The following MROH1 variants were observed in gnomAD, a reference collection of about 807,000 sequenced individuals.
The protein encoded by MROH1 is maestro heat-like repeat-containing protein family member 1.
A neutral mutation model predicts 116.5 loss-of-function variants in MROH1; 117 were observed. The ratio of observed to expected loss-of-function variants is 1.00; its 90% CI spans 0.86 to 1.17. MROH1 has a LOEUF of 1.17. Among genes scored for constraint, MROH1 ranks in the 50% most tolerant of loss-of-function variants. MROH1 has a pLI of 0.00. For synonymous variants in MROH1, 921 were observed against 583.9 expected (o/e 1.58, Z -8.32); for missense variants, 1,873 against 1,338.5 (o/e 1.40, Z -6.23).
Position 144,180,073 on chromosome 8 carries a change from C to G in MROH1, c.301-105C>G. 1 of 1,431,530 alleles carries G rather than the reference C, an allele frequency of 7.0e-7. No individual in the cohort carries two copies. The highest frequency in any genetic ancestry group is 2.3e-5 in the East Asian group (1 of 43,690). The allele number at this position is 1,431,530 out of a possible 1,614,324, so 88.7% of individuals were successfully genotyped here. ...CGCCACCTTCCCTGACCTGCACTTT[C>G]TGGGGACGCTGAAAACAGCGTGCGC... On this transcript the variant is annotated intron_variant, in intron 5 of 43. Coordinates refer to ENST00000326134, the MANE Select transcript of MROH1 (RefSeq NM_032450.3). This position sits in a 1 kb window ranked among gnomAD's most constrained non-coding sequence, Gnocchi z 7.4.
Position 144,234,240 on chromosome 8 carries a change from ACCTCGTGATCCGCCGG to A in MROH1, c.1339-4510_1339-4495del, listed in dbSNP as rs1839545723. 3.3e-5 allele frequency among the ~76,000 whole-genome samples: 5 copies of A among 152,070 alleles called. No homozygotes were observed. In the East Asian group the frequency reaches 5.8e-4, roughly 18 times the overall value. ...TAGCCAGGACGGTCTCGATCTCCTG[ACCTCGTGATCCGCCGG>A]CCTCGGCCTCCCAAAGTGCTGGAAT... On this transcript the variant is annotated intron_variant, in intron 14 of 43. Coordinates refer to ENST00000326134, the MANE Select transcript of MROH1 (RefSeq NM_032450.3).
chr8:144,249,399 G>A (rs1274630859), intron 32 of MROH1, among the ~76,000 whole-genome samples: 1 of 152,136 alleles, frequency 6.6e-6, no homozygotes, highest in Non-Finnish European at 1.5e-5. Context: ...GGAGAGGCAA[G>A]CCTGACCTCA....
intron 14 of MROH1, among the ~76,000 whole-genome samples, chr8:144,225,064 G>A (rs1181854191): frequency 6.6e-6 from 1 of 151,734 alleles, no homozygotes; most frequent in Non-Finnish European, 1.5e-5. Context: ...TTAGAGACAA[G>A]GTCTCACTCT....
chr8:144,212,348 G>T (rs539639469), intron 12 of MROH1, among the ~76,000 whole-genome samples: 1 of 152,078 alleles, frequency 6.6e-6, no homozygotes, highest in Non-Finnish European at 1.5e-5. Context: ...GCCTCCCAAA[G>T]TACTGGCATT....
intron 4 of MROH1, among the ~76,000 whole-genome samples, chr8:144,176,760 C>T (rs935706375): frequency 6.7e-6 from 1 of 148,700 alleles, no homozygotes; most frequent in Non-Finnish European, 1.5e-5. Flanking sequence ...ACTCGGAAGG[C>T]GGAGGTTGCA....
intron 35 of MROH1, among the ~76,000 whole-genome samples, chr8:144,256,622 C>T (rs1160106276): frequency 1.3e-5 from 2 of 152,242 alleles, no homozygotes; most frequent in Non-Finnish European, 2.9e-5. Context: ...AGTGCCTCCG[C>T]CCCGAGCTGT....
chr8:144,223,161 G>T lies in MROH1; in HGVS notation c.1269G>T (p.Leu423=). The change falls in exon 14 of 44, where the codon CTG becomes CTT. Residue 423 remains leucine (L), a synonymous_variant. Coordinates refer to ENST00000326134, the MANE Select transcript of MROH1 (RefSeq NM_032450.3). ...GCGCCATGGCCCACCACGGCTACCTGGAGCAGCCTGGAGGTGAGGCGATGA... is the reference window on the plus strand; with the variant it reads ...GCGCCATGGCCCACCACGGCTACCTTGAGCAGCCTGGAGGTGAGGCGATGA... ...VISAMAHHGY[L]EQPGGEAMIE... is the part of the protein sequence containing the mutation. The T allele has an allele frequency of 6.2e-7, 1 of 1,612,714 alleles. No homozygotes were observed. The highest frequency in any genetic ancestry group is 8.5e-7 in the Non-Finnish European group (1 of 1,179,492).
intron 1 of MROH1, among the ~76,000 whole-genome samples, chr8:144,149,715 G>C (rs1816277992): frequency 6.6e-6 from 1 of 152,138 alleles, no homozygotes; most frequent in Admixed American, 6.5e-5. Context: ...GCTCTTGGGA[G>C]CTCCTAGCCA....
At chr8:144,258,525 G>C (rs1247250919) in intron 35 of MROH1, among the ~76,000 whole-genome samples, 1 of 152,186 alleles carries the variant, frequency 6.6e-6, no homozygotes, top group African/African-American at 2.4e-5. Flanking sequence ...CTCTCAGGCT[G>C]GTGGCCAGGT....
At chr8:144,234,323 C>A (rs573170181) in intron 14 of MROH1, among the ~76,000 whole-genome samples, 1 of 151,930 alleles carries the variant, frequency 6.6e-6, no homozygotes, top group African/African-American at 2.4e-5. Flanking sequence ...TCCATTTTAA[C>A]AATATCAAAA....
rs1327232338 is a variant in MROH1 at position 144,260,535 on chromosome 8, G to GC, written c.4381-137dup. ...GGCTGCTGCTTTGCTGGGCCTGGCA[G>GC]CCCCCACCCGTAAGGCCCCCACCCG... On this transcript the variant is annotated intron_variant, in intron 39 of 43. Transcript: ENST00000326134. 920 of 740,506 alleles carry GC rather than the reference G, an allele frequency of 1.2e-3. 7 individuals are homozygous for GC. The East Asian group carries it at 0.016, about 13-fold the overall frequency. The allele number at this position is 740,506 out of a possible 1,614,324, so 45.9% of individuals were successfully genotyped here.
At position 144,243,862 on chromosome 8, in the gene MROH1, G is replaced by C. The variant is rs1447466934; in HGVS notation, c.2476-1G>C. On this transcript the variant is annotated splice_acceptor_variant, in intron 25 of 43. Coordinates refer to ENST00000326134, the MANE Select transcript of MROH1 (RefSeq NM_032450.3). LOFTEE classifies it high-confidence loss of function. ...CTGAGTCATGCACCTGCCTCACCCA[G>C]GAGTTCATCAGGGCAGAGCCCCCGG... The C allele has an allele frequency of 6.4e-6, 5 of 779,320 alleles. No homozygotes were observed. In the Admixed American group the frequency reaches 6.8e-5, roughly 11 times the overall value. 48.3% of individuals were successfully genotyped at this position (779,320 alleles called of 1,614,324 possible).
chr8:144,159,358 C>CA (rs1818935088), intron 1 of MROH1, among the ~76,000 whole-genome samples: 2 of 152,070 alleles, frequency 1.3e-5, no homozygotes, highest in African/African-American at 2.4e-5. Flanking sequence ...AACTCCGTGT[C>CA]AAAAAGAAAG....
At chr8:144,226,862 T>C (rs1321205290) in intron 14 of MROH1, among the ~76,000 whole-genome samples, 1 of 152,208 alleles carries the variant, frequency 6.6e-6, no homozygotes, top group Non-Finnish European at 1.5e-5. Flanking sequence ...AATTTTAGAG[T>C]CATCTTGTTG....
At chr8:144,188,206 A>G (rs1280370589) in intron 7 of MROH1, among the ~76,000 whole-genome samples, 1 of 152,262 alleles carries the variant, frequency 6.6e-6, no homozygotes, top group African/African-American at 2.4e-5. Flanking sequence ...AAGATCTGAA[A>G]AAATGTACAG....
chr8:144,220,551 A>G (rs1836490527), intron 12 of MROH1, 49 bp from the exon 13 acceptor site: 2 of 1,520,552 alleles, frequency 1.3e-6, no homozygotes, highest in Admixed American at 2.0e-5. Flanking sequence ...ATGGACCTTG[A>G]GGTCCTCATC....
At chr8:144,200,357 G>C (rs999697616) in intron 11 of MROH1, 71 bp from the exon 12 acceptor site, 169 of 1,225,260 alleles carry the variant, frequency 1.4e-4, no homozygotes, top group Non-Finnish European at 1.9e-4. Context: ...CTGTGCTGGA[G>C]AGTAGGTGGA....
intron 17 of MROH1, 109 bp from the exon 18 acceptor site, chr8:144,239,505 T>C: frequency 1.3e-6 from 1 of 762,424 alleles, no homozygotes; most frequent in Middle Eastern, 3.1e-4. Context: ...GCGGCCCAGC[T>C]TTGGGAAGAG....
Position 144,260,706 on chromosome 8 carries a change from C to T in MROH1, c.4410C>T (p.Ile1470=), listed in dbSNP as rs944859283. 10 of 779,660 alleles carry T rather than the reference C, an allele frequency of 1.3e-5. No homozygotes were observed. Among genetic ancestry groups the T allele is most frequent in the Non-Finnish European group, 2.2e-5 (9 of 417,794 alleles). 48.3% of individuals were successfully genotyped at this position (779,660 alleles called of 1,614,324 possible). A position where few individuals can be genotyped will look rare whatever the true frequency, so the allele number is the denominator to read the frequency against. ...SEKMEFRTAS[I]RLFGHLNKVC... ...AGATGGAGTTCCGGACGGCATCTAT[C>T]CGCCTCTTTGGGCACCTTAACAAGG... is the stretch of plus-strand genomic sequence containing the variant. The change falls in exon 40 of 44, where the codon ATC becomes ATT. Residue 1470 remains isoleucine, a synonymous_variant. Coordinates refer to ENST00000326134, the MANE Select transcript of MROH1 (RefSeq NM_032450.3).
Sources: gnomAD v4.1 joint callset for allele counts (sites outside exome capture counted in the v4.1 genomes callset) on GRCh38, gnomAD v4.1.1 for gene constraint, Gnocchi (gnomAD v3.1) non-coding constraint, MANE v1.5 for transcripts, NCBI Gene and HGNC (gene_info 2026-07-23, HGNC 2026-07-21) for gene names.